BRCA2: variants seen among roughly 807,000 people sequenced by gnomAD.
The protein encoded by BRCA2 is breast cancer type 2 susceptibility protein.
Under a neutral mutation model 276.7 loss-of-function variants are expected in BRCA2, and 203 were observed. The observed-to-expected ratio is 0.73, with a 90% CI of 0.65 to 0.82. BRCA2 has a LOEUF of 0.82. Ranked by LOEUF, BRCA2 falls within the 40% of genes least tolerant of loss-of-function variation. The probability of loss-of-function intolerance (pLI) is 0.00; values close to 1 mark genes in which losing one functional copy is unlikely to be tolerated. For missense variants in BRCA2, 3,920 were observed against 3,915.0 expected (o/e 1.00, Z -0.03); for synonymous variants, 1,289 against 1,338.4 (o/e 0.96, Z 0.81).
intron 16 of BRCA2, among the ~76,000 whole-genome samples, chr13:32,361,532 A>G (rs896971585): frequency 6.6e-6 from 1 of 152,074 alleles, no homozygotes; most frequent in Non-Finnish European, 1.5e-5. Context: ...TTTAAGGTAG[A>G]AAAAAACCGT....
chr13:32,368,160 T>C (rs1321336228), intron 18 of BRCA2, among the ~76,000 whole-genome samples: 2 of 151,426 alleles, frequency 1.3e-5, no homozygotes, highest in African/African-American at 4.9e-5. Context: ...GCTGGGATTA[T>C]AGGCACCCAC....
chr13:32,344,961 T>C (rs1475304328), intron 12 of BRCA2, among the ~76,000 whole-genome samples: 1 of 152,150 alleles, frequency 6.6e-6, no homozygotes, highest in Non-Finnish European at 1.5e-5. Flanking sequence ...CTTCCGAAAG[T>C]TGACAGTTTT....
Position 32,338,818 on chromosome 13 carries a change from AC to A in BRCA2, c.4464del (p.His1488GlnfsTer4). 1 of 1,613,876 alleles carries A rather than the reference AC, an allele frequency of 6.2e-7. No individual in the cohort carries two copies. The highest frequency in any genetic ancestry group is 1.1e-5 in the South Asian group (1 of 91,044). On this transcript the variant is annotated frameshift_variant, in exon 11 of 27. Transcript: ENST00000380152. LOFTEE classifies it high-confidence loss of function. ...LSYEETDIVK[H>X]KILKESVPVG... Reference sequence around the variant, plus strand: ...TATGAGGAAACAGACATAGTTAAACACAAAATACTGAAAGAAAGTGTCCCAG... The same window carrying A: ...TATGAGGAAACAGACATAGTTAAACAAAAATACTGAAAGAAAGTGTCCCAG...
rs1593899223 is a variant in BRCA2 at position 32,337,687 on chromosome 13, T to C, written c.3332T>C (p.Ile1111Thr). The C allele has an allele frequency of 1.2e-6, 2 of 1,601,014 alleles. No homozygotes were observed. The highest frequency in any genetic ancestry group is 8.5e-7 in the Non-Finnish European group (1 of 1,175,026). The change falls in exon 11 of 27, where the codon ATT becomes ACT. Residue 1111 changes from isoleucine (I) to threonine (T), a missense_variant. Physicochemically the swap from Ile to Thr is moderately conservative, Grantham distance 89. Around this residue, in one of 2 missense-constraint regions of BRCA2, gnomAD observed 3,263 missense variants for 3,156.9 expected, o/e 1.03. Coordinates refer to ENST00000380152, the MANE Select transcript of BRCA2 (RefSeq NM_000059.4). The part of the protein sequence containing the change: ...HNLTPSQKAE[I>T]TELSTILEES... Reference sequence around the variant, plus strand: ...TTAACACCTAGCCAAAAGGCAGAAATTACAGAACTTTCTACTATATTAGAA... The same window carrying C: ...TTAACACCTAGCCAAAAGGCAGAAACTACAGAACTTTCTACTATATTAGAA...
intron 4 of BRCA2, 124 bp from the exon 5 acceptor site, chr13:32,325,977 T>C: frequency 2.4e-6 from 2 of 835,072 alleles, no homozygotes; most frequent in Non-Finnish European, 3.8e-6. Context: ...AAATGTAATA[T>C]AAAATATCTA....
intron 16 of BRCA2, among the ~76,000 whole-genome samples, chr13:32,358,261 A>C (rs1409242722): frequency 6.6e-6 from 1 of 151,762 alleles, no homozygotes; most frequent in African/African-American, 2.4e-5. Context: ...AGATCACCTG[A>C]GGTCAGGAGT....
intron 24 of BRCA2, chr13:32,385,712 C>A: frequency 5.2e-6 from 1 of 191,172 alleles, no homozygotes; most frequent in South Asian, 1.2e-4. Context: ...ATAGAACTGG[C>A]AGGAAAGTAT....
intron 24 of BRCA2, among the ~76,000 whole-genome samples, chr13:32,390,989 T>C (rs146936569): frequency 6.6e-5 from 10 of 152,304 alleles, no homozygotes; most frequent in African/African-American, 2.4e-4. Flanking sequence ...ATGCTATAAA[T>C]TGATTTGAAC....
chr13:32,319,438 C>T, intron 3 of BRCA2, 113 bp downstream of exon 3: 1 of 1,083,194 alleles, frequency 9.2e-7, no homozygotes, highest in South Asian at 1.4e-5. Flanking sequence ...AAATCAGTCT[C>T]TCTGGCCTCT....
At chr13:32,342,821 G>T (rs1219472855) in intron 11 of BRCA2, among the ~76,000 whole-genome samples, 1 of 152,130 alleles carries the variant, frequency 6.6e-6, no homozygotes, top group African/African-American at 2.4e-5. Flanking sequence ...TGAGGCAGGC[G>T]GATCACCTGA....
chr13:32,316,531 T>C lies in BRCA2; in HGVS notation c.67+4T>C, dbSNP rs373546450. 5.0e-6 allele frequency: 8 copies of C among 1,612,062 alleles called. No individual in the cohort carries two copies. The highest frequency in any genetic ancestry group is 2.2e-5 in the East Asian group (1 of 44,868). On this transcript the variant is annotated splice_donor_region_variant and intron_variant, in intron 2 of 26. Coordinates refer to ENST00000380152, the MANE Select transcript of BRCA2 (RefSeq NM_000059.4). ...AAGACACGCTGCAACAAAGCAGGTA[T>C]TGACAAATTTTATATAACTTTATAA...
At chr13:32,325,633 C>T (rs1297952828) in intron 4 of BRCA2, among the ~76,000 whole-genome samples, 9 of 151,592 alleles carry the variant, frequency 5.9e-5, no homozygotes, top group South Asian at 2.1e-4. Flanking sequence ...CTCCGCCTCC[C>T]GGGTTCACGC....
intron 20 of BRCA2, among the ~76,000 whole-genome samples, chr13:32,375,740 A>G (rs1363652477): frequency 6.6e-6 from 1 of 152,018 alleles, no homozygotes; most frequent in Non-Finnish European, 1.5e-5. Context: ...TTGTATTTTT[A>G]GTAGAGACGG....
In BRCA2 at chr13:32,330,812, G is replaced by A. The variant is rs77863879; in HGVS notation, c.682-107G>A. 5.6e-6 allele frequency: 4 copies of A among 710,494 alleles called. No homozygotes were observed. In the East Asian group the frequency reaches 1.1e-4, roughly 19 times the overall value. 44.0% of individuals were successfully genotyped at this position (710,494 alleles called of 1,614,324 possible). On this transcript the variant is annotated intron_variant, in intron 8 of 26. Transcript: ENST00000380152. The stretch of plus-strand genomic sequence containing the variant: ...AAAAATTTTTGGACCTAGGTTGATT[G>A]CAGATAACTGAAATCACCAAAAGTG...
At chr13:32,345,579 T>G (rs2072605534) in intron 12 of BRCA2, among the ~76,000 whole-genome samples, 1 of 151,966 alleles carries the variant, frequency 6.6e-6, no homozygotes, top group Non-Finnish European at 1.5e-5. Flanking sequence ...GTCCTTAGAG[T>G]ATATAGGTTG....
At chr13:32,359,244 G>GAAAGTT in intron 16 of BRCA2, among the ~76,000 whole-genome samples, 1 of 87,492 alleles carries the variant, frequency 1.1e-5, no homozygotes, top group South Asian at 3.7e-4. Context: ...AAAAAAAAAA[G>GAAAGTT]AAAGTTAAAT....
chr13:32,333,462 G>A (rs2137476717), intron 10 of BRCA2, 75 bp downstream of exon 10: 2 of 1,484,910 alleles, frequency 1.3e-6, no homozygotes, highest in Non-Finnish European at 1.8e-6. Context: ...GTTTTTTTCT[G>A]CTTTTTAAAA....
At chr13:32,377,758 T>C (rs1035175303) in intron 21 of BRCA2, among the ~76,000 whole-genome samples, 1 of 152,140 alleles carries the variant, frequency 6.6e-6, no homozygotes, top group Non-Finnish European at 1.5e-5. Flanking sequence ...TAAAAAAAAA[T>C]TCAAATTCTA....
At chr13:32,364,873 T>C (rs2072769965) in intron 18 of BRCA2, among the ~76,000 whole-genome samples, 1 of 152,178 alleles carries the variant, frequency 6.6e-6, no homozygotes, top group African/African-American at 2.4e-5. Context: ...TCTTACCTCT[T>C]TTCTGTGTTA....
Sources: gnomAD v4.1 joint callset for allele counts (sites outside exome capture counted in the v4.1 genomes callset) on GRCh38, gnomAD v4.1.1 for gene constraint, gnomAD v4.1.1 regional missense constraint, MANE v1.5 for transcripts, NCBI Gene and HGNC (gene_info 2026-07-23, HGNC 2026-07-21) for gene names.